The following LRRC49 variants were observed in gnomAD, a reference collection of about 807,000 sequenced individuals.
The protein encoded by LRRC49 is leucine-rich repeat-containing protein 49.
Under a neutral mutation model 83.3 loss-of-function variants are expected in LRRC49, and 50 were observed. That is an observed-to-expected ratio of 0.60 (90% CI 0.48 to 0.76). The LOEUF (loss-of-function observed/expected upper bound fraction) is 0.76. Among genes scored for constraint, LRRC49 ranks in the 30% least tolerant of loss-of-function variants. The probability of loss-of-function intolerance (pLI) is 0.00; values close to 1 mark genes in which losing one functional copy is unlikely to be tolerated. For missense variants in LRRC49, 704 were observed against 809.1 expected (o/e 0.87, Z 1.58); for synonymous variants, 286 against 283.3 (o/e 1.01, Z -0.10).
At chr15:71,026,357 A>G (rs868579781) in intron 14 of LRRC49, among the ~76,000 whole-genome samples, 1 of 152,116 alleles carries the variant, frequency 6.6e-6, no homozygotes, top group Admixed American at 6.5e-5. Context: ...TGCTATTATA[A>G]ATAGTGCTGC....
intron 5 of LRRC49, among the ~76,000 whole-genome samples, chr15:70,906,705 G>C (rs145004959): frequency 6.6e-6 from 1 of 152,192 alleles, no homozygotes. Context: ...GTCTATCTGA[G>C]CTTCTGACTT....
chr15:70,873,555 T>A (rs1391447768), intron 2 of LRRC49, among the ~76,000 whole-genome samples: 2 of 152,188 alleles, frequency 1.3e-5, no homozygotes, highest in Admixed American at 6.5e-5. Context: ...TTTGCTGGAC[T>A]TCCTCATGCT....
chr15:70,962,203 G>A (rs2036625972), intron 8 of LRRC49, among the ~76,000 whole-genome samples: 1 of 152,200 alleles, frequency 6.6e-6, no homozygotes, highest in African/African-American at 2.4e-5. Context: ...ACTTCTTGTT[G>A]AAGTAGAAAT....
At position 70,911,563 on chromosome 15, in the gene LRRC49, A is replaced by T. The variant is rs2034552982; in HGVS notation, c.532A>T (p.Lys178Ter). ...IKKISNLENL[K>*]SLDVLDLHGN... ...GAAAATCTCAAATCTGGAGAATCTA[A>T]AAAGCTTAGATGTCTTGGATCTTCA... The change falls in exon 6 of 16, where the codon AAA (lysine) becomes TAA (stop). Residue 178 changes from lysine (K) to a stop codon, truncating the protein, a stop_gained. Coordinates refer to ENST00000260382, the MANE Select transcript of LRRC49 (RefSeq NM_017691.5). LOFTEE classifies it high-confidence loss of function. 1 of 1,582,816 alleles carries T rather than the reference A, an allele frequency of 6.3e-7. No individual in the cohort carries two copies. Among genetic ancestry groups the T allele is most frequent in the Non-Finnish European group, 8.6e-7 (1 of 1,164,574 alleles).
chr15:70,999,140 G>A (rs1177174201), intron 11 of LRRC49, among the ~76,000 whole-genome samples: 1 of 152,054 alleles, frequency 6.6e-6, no homozygotes, highest in East Asian at 1.9e-4. Context: ...AAAAGTTTTT[G>A]TCTAGTAAGT....
At chr15:70,965,443 A>G (rs2036761793) in intron 9 of LRRC49, among the ~76,000 whole-genome samples, 1 of 152,098 alleles carries the variant, frequency 6.6e-6, no homozygotes, top group Admixed American at 6.6e-5. Context: ...ACATTGCATT[A>G]TAGCTGAATT....
intron 4 of LRRC49, 46 bp from the exon 5 acceptor site, chr15:70,904,506 A>G: frequency 8.1e-7 from 1 of 1,237,570 alleles, no homozygotes; most frequent in Non-Finnish European, 1.2e-6. Flanking sequence ...AAGAAGAGGT[A>G]AGTGGCTGAA....
chr15:71,014,384 G>C (rs1048326898), intron 14 of LRRC49, among the ~76,000 whole-genome samples: 12 of 151,940 alleles, frequency 7.9e-5, no homozygotes, highest in Admixed American at 3.3e-4. Flanking sequence ...AAATATTAAG[G>C]GTTTTCATAG....
intron 15 of LRRC49, 151 bp downstream of exon 15, chr15:71,037,483 T>C: frequency 1.8e-6 from 1 of 541,528 alleles, no homozygotes; most frequent in Non-Finnish European, 3.1e-6. Context: ...GGACAGTAGG[T>C]ACCCAGGCAA....
At chr15:70,984,452 G>T in intron 11 of LRRC49, 195 bp downstream of exon 11, 1 of 448,798 alleles carries the variant, frequency 2.2e-6, no homozygotes, top group Non-Finnish European at 3.8e-6. Context: ...TGCTTCATAG[G>T]GCATTTCATA....
intron 11 of LRRC49, among the ~76,000 whole-genome samples, chr15:70,999,355 A>T (rs565600272): frequency 6.6e-6 from 1 of 151,946 alleles, no homozygotes; most frequent in South Asian, 2.1e-4. Context: ...TTTTTTAATG[A>T]CTTTCCTAAT....
At chr15:70,944,632 T>C (rs1409419508) in intron 8 of LRRC49, among the ~76,000 whole-genome samples, 1 of 152,208 alleles carries the variant, frequency 6.6e-6, no homozygotes, top group East Asian at 1.9e-4. Flanking sequence ...CTCAAACTCC[T>C]GACCTCAGAT....
intron 11 of LRRC49, among the ~76,000 whole-genome samples, chr15:70,996,850 G>A (rs980777648): frequency 7.2e-5 from 11 of 152,060 alleles, no homozygotes; most frequent in Non-Finnish European, 2.9e-5. Flanking sequence ...TTTTTCCAGT[G>A]TTTGTTTAAG....
In LRRC49 at chr15:71,017,734, T is replaced by A. The variant is rs114091964; in HGVS notation, c.1703+4821T>A. On this transcript the variant is annotated intron_variant, in intron 14 of 15. Transcript: ENST00000260382. ...AATGACTTATTAGTATTCAGGACAATGTACACTGTACATGTTGGTAGAAGT... is the reference window on the plus strand; with the variant it reads ...AATGACTTATTAGTATTCAGGACAAAGTACACTGTACATGTTGGTAGAAGT... 4.6e-3 allele frequency among the ~76,000 whole-genome samples: 704 copies of A among 152,324 alleles called. 9 individuals are homozygous for A. Among genetic ancestry groups the A allele is most frequent in the African/African-American group, 0.016 (685 of 41,586 alleles).
intron 1 of LRRC49, among the ~76,000 whole-genome samples, chr15:70,856,561 C>A (rs2032658742): frequency 6.6e-6 from 1 of 152,172 alleles, no homozygotes; most frequent in Admixed American, 6.5e-5. Flanking sequence ...TCTGTGAAAT[C>A]AAATGCAAAA....
At chr15:70,946,073 T>C (rs1002703353) in intron 8 of LRRC49, among the ~76,000 whole-genome samples, 3 of 152,204 alleles carry the variant, frequency 2.0e-5, no homozygotes, top group African/African-American at 7.2e-5. Flanking sequence ...CACATACTTA[T>C]CTTTTTTGTA....
At chr15:70,909,670 C>G (rs1206435517) in intron 5 of LRRC49, among the ~76,000 whole-genome samples, 1 of 152,118 alleles carries the variant, frequency 6.6e-6, no homozygotes, top group Non-Finnish European at 1.5e-5. Flanking sequence ...GAAACCCCGT[C>G]TCTACCAAAA....
At chr15:70,891,244 T>G (rs1595984895), upstream of LRRC49, among the ~76,000 whole-genome samples, 1 of 152,106 alleles carries the variant, frequency 6.6e-6, no homozygotes, top group Middle Eastern at 3.2e-3. Context: ...AACAGAAAAG[T>G]AGGCAGAAGA....
At position 70,984,158 on chromosome 15, in the gene LRRC49, C is replaced by T. The variant is rs769043987; in HGVS notation, c.1070C>T (p.Ala357Val). Residue 357 changes from alanine (A) to valine (V), a missense_variant, in exon 11 of 16, where the codon GCC (alanine) becomes GTC (valine). Physicochemically the swap from Ala to Val is moderately conservative, Grantham distance 64. Coordinates refer to ENST00000260382, the MANE Select transcript of LRRC49 (RefSeq NM_017691.5). ...RQWDLQQQRV[A>V]NIATNEDRKD... ...TGGGACTTGCAACAACAACGAGTAG[C>T]CAATATTGCTACAAATGAAGATAGA... The T allele has an allele frequency of 3.7e-6, 6 of 1,612,836 alleles. No individual in the cohort carries two copies. In the African/African-American group the frequency reaches 8.0e-5, roughly 22 times the overall value.
Sources: gnomAD v4.1 joint callset for allele counts (sites outside exome capture counted in the v4.1 genomes callset) on GRCh38, gnomAD v4.1.1 for gene constraint, MANE v1.5 for transcripts, NCBI Gene and HGNC (gene_info 2026-07-23, HGNC 2026-07-21) for gene names.